The following SAE1 variants were observed in gnomAD, a reference collection of about 807,000 sequenced individuals.
SAE1 encodes the protein SUMO-activating enzyme subunit 1.
Under a neutral mutation model 40.6 loss-of-function variants are expected in SAE1, and 11 were observed. That is an observed-to-expected ratio of 0.27 (90% CI 0.17 to 0.45). The LOEUF (loss-of-function observed/expected upper bound fraction) is 0.45, where lower values mean the gene tolerates loss of function less well. SAE1 is among the 20% of genes least tolerant of loss of function. The probability of loss-of-function intolerance (pLI) is 1.00; values close to 1 mark genes in which losing one functional copy is unlikely to be tolerated. For missense variants in SAE1, 373 were observed against 427.3 expected (o/e 0.87, Z 1.12); for synonymous variants, 155 against 154.3 (o/e 1.00, Z -0.03).
At chr19:47,189,481 C>G (rs2058565739) in intron 6 of SAE1, among the ~76,000 whole-genome samples, 1 of 152,048 alleles carries the variant, frequency 6.6e-6, no homozygotes, top group African/African-American at 2.4e-5. Flanking sequence ...GAATCGCTTG[C>G]ACCTGGGAGG....
At chr19:47,161,151 A>G (rs981878606) in intron 5 of SAE1, among the ~76,000 whole-genome samples, 1 of 149,168 alleles carries the variant, frequency 6.7e-6, no homozygotes, top group African/African-American at 2.5e-5. Flanking sequence ...GACCACAGGC[A>G]TGTGCCACCA....
Position 47,131,767 on chromosome 19 carries a change from C to A in SAE1, c.98+739C>A, listed in dbSNP as rs1271775533. On this transcript the variant is annotated intron_variant, in intron 1 of 8. Coordinates refer to ENST00000270225, the MANE Select transcript of SAE1 (RefSeq NM_005500.3). ...CCAGGCTGGAGGGCAGTGGCGCGAT[C>A]TCGGCTCACTGCAACCTCTGCCTCC... 2.2e-5 allele frequency among the ~76,000 whole-genome samples: 3 copies of A among 136,886 alleles called. No individual in the cohort carries two copies. In the Admixed American group the frequency reaches 2.4e-4, roughly 11 times the overall value. The allele number at this position is 136,886 out of a possible 152,430, so 89.8% of individuals were successfully genotyped here. A position where few individuals can be genotyped will look rare whatever the true frequency, so the allele number is the denominator to read the frequency against.
chr19:47,143,522 G>C lies in SAE1; in HGVS notation c.127G>C (p.Gly43Arg). The change falls in exon 2 of 9, where the codon GGC becomes CGC. Residue 43 changes from glycine (G) to arginine (R), a missense_variant. Transcript: ENST00000270225. The stretch of plus-strand genomic sequence containing the variant: ...GCGGGCCTCTCGGGTGCTTCTTGTC[G>C]GCTTGAAAGGACTTGGGGCTGAAAT... ...RLRASRVLLV[G>R]LKGLGAEIAK... The C allele has an allele frequency of 9.9e-6, 16 of 1,613,986 alleles. No individual in the cohort carries two copies. The highest frequency in any genetic ancestry group is 1.3e-5 in the Non-Finnish European group (15 of 1,180,000).
Position 47,190,473 on chromosome 19 carries a change from G to GC in SAE1, c.734-6754dup, listed in dbSNP as rs749368470. On this transcript the variant is annotated intron_variant, in intron 6 of 8. Coordinates refer to ENST00000270225, the MANE Select transcript of SAE1 (RefSeq NM_005500.3). ...CTGTCAAGAACATGGCTTTCTTCCT[G>GC]CCCCCCTCCACTGCTGCTAACTGGA... 5.6e-3 allele frequency among the ~76,000 whole-genome samples: 845 copies of GC among 152,240 alleles called. 3 individuals are homozygous for GC. Among genetic ancestry groups the GC allele is most frequent in the Non-Finnish European group, 8.8e-3 (597 of 68,000 alleles).
chr19:47,195,150 G>C (rs1373672013), intron 6 of SAE1, among the ~76,000 whole-genome samples: 3 of 151,156 alleles, frequency 2.0e-5, no homozygotes, highest in East Asian at 1.9e-4. Flanking sequence ...TGCCTCCCGG[G>C]TTCAAGCGAT....
chr19:47,133,281 G>T (rs997755851), intron 1 of SAE1, among the ~76,000 whole-genome samples: 20 of 152,208 alleles, frequency 1.3e-4, no homozygotes, highest in African/African-American at 4.3e-4. Context: ...GCAATGGCAC[G>T]ATCTCGGCTC....
chr19:47,177,336 CAT>C (rs2058475634), intron 6 of SAE1, among the ~76,000 whole-genome samples: 1 of 152,194 alleles, frequency 6.6e-6, no homozygotes, highest in Non-Finnish European at 1.5e-5. Flanking sequence ...TAGAAACTAT[CAT>C]GTGTTGTTCC....
At chr19:47,200,502 C>G (rs2058646961) in intron 7 of SAE1, among the ~76,000 whole-genome samples, 1 of 140,302 alleles carries the variant, frequency 7.1e-6, no homozygotes, top group Non-Finnish European at 1.5e-5. Context: ...AGAGAGTATA[C>G]AAAGCACATC....
intron 6 of SAE1, among the ~76,000 whole-genome samples, chr19:47,190,736 G>A (rs1409104819): frequency 2.6e-5 from 4 of 152,158 alleles, no homozygotes; most frequent in Non-Finnish European, 5.9e-5. Context: ...TGCTCTTAAT[G>A]CTGTCCTATT....
At position 47,134,051 on chromosome 19, in the gene SAE1, C is replaced by T. The variant is rs573930374; in HGVS notation, c.98+3023C>T. 5.3e-4 allele frequency among the ~76,000 whole-genome samples: 81 copies of T among 151,964 alleles called. 1 individual carries two copies. The highest frequency in any genetic ancestry group is 2.9e-3 in the South Asian group (14 of 4,822). On this transcript the variant is annotated intron_variant, in intron 1 of 8. Transcript: ENST00000270225. ...CTAATTTTTGTATTTTTAGTAGAGA[C>T]GGAGTTTCACCGTGTTGGTCAGGCT... is the stretch of plus-strand genomic sequence containing the variant.
rs61498882 is a variant in SAE1, at chr19:47,196,333, C to CT, written c.734-866dup. Among the ~76,000 whole-genome samples the CT allele has an allele frequency of 5.1e-3, 141 of 27,874 alleles. 1 individual carries two copies. Among genetic ancestry groups the CT allele is most frequent in the Admixed American group, 9.2e-3 (13 of 1,414 alleles). 18.3% of individuals were successfully genotyped at this position (27,874 alleles called of 152,430 possible). ...TACAGGCGTGAGCCACCGCGCCTGG[C>CT]TTTTTTTTTTTTTTTTTTTTTTTTT... On this transcript the variant is annotated intron_variant, in intron 6 of 8. Coordinates refer to ENST00000270225, the MANE Select transcript of SAE1 (RefSeq NM_005500.3).
At position 47,209,584 on chromosome 19, in the gene SAE1, G is replaced by C. The variant is rs1157837113; in HGVS notation, c.*333G>C. On this transcript the variant is annotated 3_prime_UTR_variant, in exon 9 of 9. Coordinates refer to ENST00000270225, the MANE Select transcript of SAE1 (RefSeq NM_005500.3). ...CTGTCCCGGCCTCGCCAGCCCTCTG[G>C]GGCATTGTGGGAGATGCCTGCCAGG... The C allele has an allele frequency of 1.1e-5, 4 of 365,770 alleles. No individual in the cohort carries two copies. Among genetic ancestry groups the C allele is most frequent in the Non-Finnish European group, 2.0e-5 (4 of 203,044 alleles). The allele number at this position is 365,770 out of a possible 1,614,324, so 22.7% of individuals were successfully genotyped here.
intron 4 of SAE1, 32 bp downstream of exon 4, chr19:47,153,072 C>G (rs1433446627): frequency 6.5e-7 from 1 of 1,535,416 alleles, no homozygotes; most frequent in Non-Finnish European, 8.8e-7. Context: ...GAGAACATAA[C>G]ATTTTCTCCT....
At chr19:47,182,482 T>TGC (rs755070990) in intron 6 of SAE1, among the ~76,000 whole-genome samples, 1 of 143,264 alleles carries the variant, frequency 7.0e-6, no homozygotes, top group Non-Finnish European at 1.5e-5. Context: ...TGTGTGTGTG[T>TGC]GTGTGTGTGT....
intron 8 of SAE1, among the ~76,000 whole-genome samples, chr19:47,206,132 C>CCCT (rs1222933542): frequency 1.3e-5 from 2 of 152,204 alleles, no homozygotes; most frequent in Admixed American, 6.5e-5. Context: ...TCACACAGCC[C>CCCT]CCTCCTTCCT....
Position 47,209,356 on chromosome 19 carries a change from A to C in SAE1, c.*105A>C, listed in dbSNP as rs778044737. The stretch of plus-strand genomic sequence containing the variant: ...TCTCCAGGCAAGGAAAACTGAAGTC[A>C]TTGGCCCGATACAAAACATTTCCTG... On this transcript the variant is annotated 3_prime_UTR_variant, in exon 9 of 9. Coordinates refer to ENST00000270225, the MANE Select transcript of SAE1 (RefSeq NM_005500.3). The C allele has an allele frequency of 6.3e-7, 1 of 1,585,668 alleles. No homozygotes were observed. The highest frequency in any genetic ancestry group is 8.6e-7 in the Non-Finnish European group (1 of 1,161,902).
intron 6 of SAE1, among the ~76,000 whole-genome samples, chr19:47,191,342 A>AATAATAATATTT (rs1568606530): frequency 6.6e-6 from 1 of 152,160 alleles, no homozygotes; most frequent in Non-Finnish European, 1.5e-5. Flanking sequence ...GAAAAACAAA[A>AATAATAATATTT]ACAAGTAAAT....
intron 7 of SAE1, among the ~76,000 whole-genome samples, chr19:47,198,449 A>G (rs1044959524): frequency 6.6e-6 from 1 of 152,080 alleles, no homozygotes; most frequent in African/African-American, 2.4e-5. Context: ...GATCATGTAC[A>G]CACCCTAATT....
chr19:47,139,586 C>CT (rs71179299), intron 1 of SAE1, among the ~76,000 whole-genome samples: 11,579 of 122,764 alleles, frequency 0.094, 1,292 homozygotes, highest in African/African-American at 0.24. Flanking sequence ...GAATGTGTAT[C>CT]TTTTTTTTTT....
Sources: allele counts gnomAD v4.1 joint callset (sites outside exome capture counted in the v4.1 genomes callset), GRCh38; gene constraint gnomAD v4.1.1; transcripts MANE v1.5; gene names NCBI Gene and HGNC (gene_info 2026-07-23, HGNC 2026-07-21).